GNAL: variants seen among roughly 807,000 people sequenced by gnomAD.
The protein encoded by GNAL is G protein subunit alpha L, also known as guanine nucleotide-binding protein G(olf) subunit alpha.
A neutral mutation model predicts 55.1 loss-of-function variants in GNAL; 18 were observed. The observed-to-expected ratio is 0.33, with a 90% confidence interval of 0.23 to 0.48. The LOEUF is 0.48. GNAL is among the 20% of genes least tolerant of loss of function. GNAL has a pLI of 0.99. For synonymous variants in GNAL, 253 were observed against 237.0 expected (o/e 1.07, Z -0.62); for missense variants, 412 against 614.1 (o/e 0.67, Z 3.48).
chr18:11,738,598 C>T (rs1036452009), intron 1 of GNAL, among the ~76,000 whole-genome samples: 2 of 152,124 alleles, frequency 1.3e-5, no homozygotes, highest in Non-Finnish European at 2.9e-5. Context: ...CAGGCGCCCA[C>T]CACCACACCT....
At chr18:11,690,639 G>GTGA (rs1468103608) in intron 1 of GNAL, among the ~76,000 whole-genome samples, 1 of 122,536 alleles carries the variant, frequency 8.2e-6, no homozygotes, top group Non-Finnish European at 1.6e-5. Flanking sequence ...TCCCCAGAGT[G>GTGA]TGATGTTCCC....
Position 11,762,276 on chromosome 18 carries a change from G to C in GNAL, c.624+8331G>C, listed in dbSNP as rs527929358. Among the ~76,000 whole-genome samples the C allele has an allele frequency of 1.8e-4, 27 of 152,280 alleles. 1 individual carries two copies. The South Asian group carries it at 5.4e-3, about 30-fold the overall frequency. ...AGTCCATAAGCAACAGTTTTCAGTG[G>C]GGCCACATGGAGGTCCCGAAGCTCT... On this transcript the variant is annotated intron_variant, in intron 4 of 11. Coordinates refer to ENST00000334049, the MANE Select transcript of GNAL (RefSeq NM_182978.4).
At chr18:11,854,367 A>G (rs946143491) in intron 5 of GNAL, 2 of 167,082 alleles carry the variant, frequency 1.2e-5, no homozygotes, top group Non-Finnish European at 2.9e-5. Context: ...CAGGCCCATG[A>G]ATTACTTCCT....
At chr18:11,821,666 G>A (rs2035093477) in intron 4 of GNAL, among the ~76,000 whole-genome samples, 1 of 152,240 alleles carries the variant, frequency 6.6e-6, no homozygotes, top group Non-Finnish European at 1.5e-5. Flanking sequence ...GCCTGGGGGC[G>A]CTGAGGATCC....
At chr18:11,792,233 G>C (rs1012740252) in intron 4 of GNAL, among the ~76,000 whole-genome samples, 1 of 151,768 alleles carries the variant, frequency 6.6e-6, no homozygotes, top group Non-Finnish European at 1.5e-5. Context: ...TCCCAGGCTG[G>C]AGTGCAGTGG....
chr18:11,815,496 G>A (rs534799221), intron 4 of GNAL, among the ~76,000 whole-genome samples: 5 of 152,006 alleles, frequency 3.3e-5, no homozygotes, highest in Admixed American at 6.6e-5. Context: ...AGAGAGAAGC[G>A]GGGAGATGCT....
intron 5 of GNAL, among the ~76,000 whole-genome samples, chr18:11,859,403 G>A (rs2036079846): frequency 1.3e-5 from 2 of 152,054 alleles, no homozygotes; most frequent in African/African-American, 2.4e-5. Flanking sequence ...GGAACTCAGT[G>A]TGTCCTTCCA....
intron 1 of GNAL, among the ~76,000 whole-genome samples, chr18:11,699,820 G>A (rs1598400811): frequency 2.0e-5 from 3 of 152,220 alleles, no homozygotes; most frequent in Admixed American, 6.5e-5. Context: ...AACGCCAAGA[G>A]GGAACCCTAG....
At chr18:11,739,377 C>G (rs1390705112) in intron 1 of GNAL, among the ~76,000 whole-genome samples, 1 of 152,178 alleles carries the variant, frequency 6.6e-6, no homozygotes, top group Non-Finnish European at 1.5e-5. Context: ...CTGTGGCCAT[C>G]ATGGCCGTTG....
At chr18:11,704,524 C>G (rs1028867444) in intron 1 of GNAL, among the ~76,000 whole-genome samples, 3 of 152,222 alleles carry the variant, frequency 2.0e-5, no homozygotes, top group Non-Finnish European at 2.9e-5. Context: ...TGTGCCTCAA[C>G]TCCTGCTAAC....
At chr18:11,851,246 G>A (rs953250366) in intron 5 of GNAL, 8 of 438,242 alleles carry the variant, frequency 1.8e-5, no homozygotes, top group East Asian at 1.1e-4. Flanking sequence ...AGCGTTCCCC[G>A]CCGCAGCGCC....
chr18:11,831,250 G>C (rs945354086), intron 5 of GNAL, among the ~76,000 whole-genome samples: 3 of 152,178 alleles, frequency 2.0e-5, no homozygotes, highest in Non-Finnish European at 2.9e-5. Context: ...CCATGGGCAC[G>C]GTCTAGGGGA....
intron 1 of GNAL, 95 bp downstream of exon 1, chr18:11,690,034 G>GAGCGGCGGCGGGCACCGGGC (rs1379282461): frequency 2.9e-6 from 2 of 687,080 alleles, no homozygotes; most frequent in African/African-American, 4.0e-5. Flanking sequence ...GGGCACCGGG[G>GAGCGGCGGCGGGCACCGGGC]AGCGGCGGCG....
chr18:11,750,005 G>C (rs113881568), intron 1 of GNAL, among the ~76,000 whole-genome samples: 2 of 152,192 alleles, frequency 1.3e-5, no homozygotes, highest in Non-Finnish European at 1.5e-5. Flanking sequence ...ATTGTGCAAG[G>C]TGCACTGAAA....
At chr18:11,746,133 G>A (rs1038244290) in intron 1 of GNAL, 12 of 541,522 alleles carry the variant, frequency 2.2e-5, no homozygotes, top group African/African-American at 2.1e-4. Context: ...TTTTGTTCTG[G>A]GACACTATGA....
At chr18:11,718,815 A>G (rs1482469654) in intron 1 of GNAL, among the ~76,000 whole-genome samples, 1 of 152,156 alleles carries the variant, frequency 6.6e-6, no homozygotes, top group Non-Finnish European at 1.5e-5. Context: ...TAGTAACTAT[A>G]TGTAGTGAAG....
At chr18:11,823,001 A>T (rs147655178) in intron 4 of GNAL, among the ~76,000 whole-genome samples, 1 of 152,068 alleles carries the variant, frequency 6.6e-6, no homozygotes, top group South Asian at 2.1e-4. Context: ...GCATGAGTCT[A>T]TAGTTTTTAT....
chr18:11,870,107 G>A (rs905230387), intron 9 of GNAL, among the ~76,000 whole-genome samples: 6 of 152,178 alleles, frequency 3.9e-5, no homozygotes, highest in African/African-American at 1.4e-4. Flanking sequence ...TCATATAAGG[G>A]AGCCTCCTCA....
intron 1 of GNAL, among the ~76,000 whole-genome samples, chr18:11,734,258 T>C (rs1264623451): frequency 6.6e-6 from 1 of 151,166 alleles, no homozygotes; most frequent in African/African-American, 2.4e-5. Context: ...TTCTCCTGCC[T>C]CAGCCTCCTG....
Sources: allele counts gnomAD v4.1 joint callset (sites outside exome capture counted in the v4.1 genomes callset), GRCh38; gene constraint gnomAD v4.1.1; transcripts MANE v1.5; gene names NCBI Gene and HGNC (gene_info 2026-07-23, HGNC 2026-07-21).